SMTNL2: variants seen among roughly 807,000 people sequenced by gnomAD.
SMTNL2 encodes the protein smoothelin like 2.
Under a neutral mutation model 44.1 loss-of-function variants are expected in SMTNL2, and 43 were observed. The observed-to-expected ratio is 0.98, with a 90% CI of 0.76 to 1.26. SMTNL2 has a LOEUF of 1.26. Ranked by LOEUF, SMTNL2 falls within the 50% of genes most tolerant of loss-of-function variation. SMTNL2 has a pLI of 0.00. For synonymous variants in SMTNL2, 317 were observed against 287.6 expected (o/e 1.10, Z -1.03); for missense variants, 646 against 670.2 (o/e 0.96, Z 0.40).
Position 4,607,237 on chromosome 17 carries a change from G to A in SMTNL2, c.1260-124G>A. 1 of 1,465,108 alleles carries A rather than the reference G, an allele frequency of 6.8e-7. No individual in the cohort carries two copies. Among genetic ancestry groups the A allele is most frequent in the Non-Finnish European group, 9.3e-7 (1 of 1,080,112 alleles). 90.8% of individuals were successfully genotyped at this position (1,465,108 alleles called of 1,614,324 possible). A position where few individuals can be genotyped will look rare whatever the true frequency, so the allele number is the denominator to read the frequency against. On this transcript the variant is annotated intron_variant, in intron 7 of 7. Coordinates refer to ENST00000389313, the MANE Select transcript of SMTNL2 (RefSeq NM_001114974.2). The surrounding 1 kb of genome is among the most constrained non-coding windows in gnomAD (Gnocchi z 4.7). Reference sequence around the variant, plus strand: ...GGGTTATCTGAATTCCCCGCTGGTGGGTCCTTGGGAACCTCTGGCTGCCGG... The same window carrying A: ...GGGTTATCTGAATTCCCCGCTGGTGAGTCCTTGGGAACCTCTGGCTGCCGG...
In SMTNL2 at chr17:4,595,075, A is replaced by G. The variant is rs1909748361; in HGVS notation, c.807-70A>G. On this transcript the variant is annotated intron_variant, in intron 4 of 7. Coordinates refer to ENST00000389313, the MANE Select transcript of SMTNL2 (RefSeq NM_001114974.2). This position sits in a 1 kb window ranked among gnomAD's most constrained non-coding sequence, Gnocchi z 5.1. ...GCCTTGTCCACACTCAGTGCAATGG[A>G]GACCTTGGGGCCTGGTGAGCTAGTG... 1 of 1,604,478 alleles carries G rather than the reference A, an allele frequency of 6.2e-7. No homozygotes were observed.
chr17:4,607,532 C>T lies in SMTNL2; in HGVS notation c.*45C>T, dbSNP rs764161178. 15 of 1,596,418 alleles carry T rather than the reference C, an allele frequency of 9.4e-6. No homozygotes were observed. The highest frequency in any genetic ancestry group is 1.7e-4 in the Middle Eastern group (1 of 5,984). On this transcript the variant is annotated 3_prime_UTR_variant, in exon 8 of 8. Coordinates refer to ENST00000389313, the MANE Select transcript of SMTNL2 (RefSeq NM_001114974.2). The surrounding 1 kb of genome is among the most constrained non-coding windows in gnomAD (Gnocchi z 4.7). ...CCAAAGAGCAGCCCCAGGAAGAGGC[C>T]GGGGGTCCGCTTGCGATTCCCCAGC... is the stretch of plus-strand genomic sequence containing the variant.
At position 4,597,337 on chromosome 17, in the gene SMTNL2, C is replaced by T; in HGVS notation, c.1259+14C>T. 1 of 1,612,196 alleles carries T rather than the reference C, an allele frequency of 6.2e-7. No homozygotes were observed. Among genetic ancestry groups the T allele is most frequent in the Non-Finnish European group, 8.5e-7 (1 of 1,178,802 alleles). ...CACCATGGCCGAGTGAGTATGGTGG[C>T]TCCTGCTGGCTACCAGCCCCAGCCC... On this transcript the variant is annotated intron_variant, in intron 7 of 7. Transcript: ENST00000389313.
chr17:4,607,291 C>T lies in SMTNL2; in HGVS notation c.1260-70C>T, dbSNP rs1211072361. On this transcript the variant is annotated intron_variant, in intron 7 of 7. Coordinates refer to ENST00000389313, the MANE Select transcript of SMTNL2 (RefSeq NM_001114974.2). This position sits in a 1 kb window ranked among gnomAD's most constrained non-coding sequence, Gnocchi z 4.7. ...AGCTCTGTTCCCGGGACCGAGACAC[C>T]GGCCCTGTCGCGGCTGTGGGGCTGG... 1.0e-5 allele frequency: 16 copies of T among 1,594,052 alleles called. No individual in the cohort carries two copies. Among genetic ancestry groups the T allele is most frequent in the Non-Finnish European group, 1.4e-5 (16 of 1,169,180 alleles).
rs1434903821 is a variant in SMTNL2 at position 4,598,957 on chromosome 17, G to A, written c.1259+1634G>A. Among the ~76,000 whole-genome samples the A allele has an allele frequency of 6.6e-6, 1 of 152,104 alleles. No homozygotes were observed. The highest frequency in any genetic ancestry group is 1.5e-5 in the Non-Finnish European group (1 of 68,018). ...GGCCCCGGCCCCAGCCCCGGCCCTG[G>A]CCCACCACCCCGGCCCCTGAGCCTG... On this transcript the variant is annotated intron_variant, in intron 7 of 7. Transcript: ENST00000389313. This position sits in a 1 kb window ranked among gnomAD's most constrained non-coding sequence, Gnocchi z 4.8.
chr17:4,606,424 CTTTTT>C (rs75460279), intron 7 of SMTNL2, among the ~76,000 whole-genome samples: 63 of 143,368 alleles, frequency 4.4e-4, no homozygotes, highest in Middle Eastern at 3.6e-3. Flanking sequence ...ATCCAGCCTA[CTTTTT>C]TTTTTTTTAA....
upstream of SMTNL2, chr17:4,584,240 C>T (rs918022949): frequency 1.2e-4 from 22 of 185,274 alleles, no homozygotes; most frequent in South Asian, 1.9e-4. Flanking sequence ...GGGTGAGAGT[C>T]CCGAGCGAAC....
Position 4,607,633 on chromosome 17 carries a change from C to T in SMTNL2, c.*146C>T. 2.3e-6 allele frequency: 3 copies of T among 1,290,252 alleles called. No individual in the cohort carries two copies. The highest frequency in any genetic ancestry group is 2.4e-5 in the East Asian group (1 of 41,374). The allele number at this position is 1,290,252 out of a possible 1,614,324, so 79.9% of individuals were successfully genotyped here. Reference sequence around the variant, plus strand: ...TGTGGCATGTGACGGCACTCCCCTTCGAGCCCAGCTGTGTTACTGATTAAA... The same window carrying T: ...TGTGGCATGTGACGGCACTCCCCTTTGAGCCCAGCTGTGTTACTGATTAAA... On this transcript the variant is annotated 3_prime_UTR_variant, in exon 8 of 8. Transcript: ENST00000389313. This position sits in a 1 kb window ranked among gnomAD's most constrained non-coding sequence, Gnocchi z 4.7.
intron 7 of SMTNL2, among the ~76,000 whole-genome samples, chr17:4,604,312 A>T (rs2150526324): frequency 6.6e-6 from 1 of 152,276 alleles, no homozygotes; most frequent in Admixed American, 6.5e-5. Context: ...AGCCTGTTGG[A>T]TTCACTTACA....
intron 7 of SMTNL2, among the ~76,000 whole-genome samples, chr17:4,599,270 T>C (rs951314366): frequency 1.3e-5 from 2 of 152,216 alleles, no homozygotes; most frequent in African/African-American, 4.8e-5. Flanking sequence ...GTCATCCTAA[T>C]TGCAGAAACA....
chr17:4,591,285 A>G (rs1306440811), intron 1 of SMTNL2, among the ~76,000 whole-genome samples: 2 of 152,196 alleles, frequency 1.3e-5, no homozygotes, highest in Admixed American at 1.3e-4. Context: ...AACCTTGTAG[A>G]CCAGGGGGCA....
intron 3 of SMTNL2, 45 bp downstream of exon 3, chr17:4,593,216 A>T: frequency 1.3e-6 from 2 of 1,532,518 alleles, no homozygotes; most frequent in Non-Finnish European, 1.8e-6. Context: ...TCCCCTTGGG[A>T]TGGGAGAGGG....
intron 7 of SMTNL2, among the ~76,000 whole-genome samples, chr17:4,599,915 C>G (rs1909960077): frequency 6.6e-6 from 1 of 152,314 alleles, no homozygotes; most frequent in East Asian, 1.9e-4. Flanking sequence ...CCCCGCCTCC[C>G]GGTGGCCTGG....
At position 4,595,521 on chromosome 17, in the gene SMTNL2, A is replaced by G. The variant is rs545832572; in HGVS notation, c.989+194A>G. Among the ~76,000 whole-genome samples, 3 of 152,306 alleles carry G rather than the reference A, an allele frequency of 2.0e-5. No individual in the cohort carries two copies. The highest frequency in any genetic ancestry group is 6.5e-5 in the Admixed American group (1 of 15,304). On this transcript the variant is annotated intron_variant, in intron 5 of 7. Coordinates refer to ENST00000389313, the MANE Select transcript of SMTNL2 (RefSeq NM_001114974.2). The surrounding 1 kb of genome is among the most constrained non-coding windows in gnomAD (Gnocchi z 5.1). ...GCAGCTTGGGGGGACAGAGGACCCCAGTTGTTGGGGGAGATGGCTGTGAGG... is the reference window on the plus strand; with the variant it reads ...GCAGCTTGGGGGGACAGAGGACCCCGGTTGTTGGGGGAGATGGCTGTGAGG...
Position 4,607,380 on chromosome 17 carries a change from C to T in SMTNL2, c.1279C>T (p.Arg427Cys), listed in dbSNP as rs758369761. The change falls in exon 8 of 8, where the codon CGC (arginine) becomes TGC (cysteine). Residue 427 changes from arginine (R) to cysteine (C), a missense_variant. Transcript: ENST00000389313. The surrounding 1 kb of genome is among the most constrained non-coding windows in gnomAD (Gnocchi z 4.7). ...TTTCAGGAATCTGGCCAACTGTGAG[C>T]GCCTCATCGAAGTGGAGGACATGAT... ...TMAENLANCE[R>C]LIEVEDMMVM... The T allele has an allele frequency of 6.8e-6, 11 of 1,613,980 alleles. No homozygotes were observed. The highest frequency in any genetic ancestry group is 3.3e-5 in the Admixed American group (2 of 60,006).
At position 4,600,980 on chromosome 17, in the gene SMTNL2, A is replaced by G. The variant is rs2150524906; in HGVS notation, c.1259+3657A>G. ...CTTAAAAAAATAAAAATAACCCCCA[A>G]GCCCATCCTCCAGCTCCCTTACAGG... is the stretch of plus-strand genomic sequence containing the variant. On this transcript the variant is annotated intron_variant, in intron 7 of 7. Transcript: ENST00000389313. This position sits in a 1 kb window ranked among gnomAD's most constrained non-coding sequence, Gnocchi z 4.7. 6.6e-6 allele frequency among the ~76,000 whole-genome samples: 1 copy of G among 152,300 alleles called. No individual in the cohort carries two copies. The highest frequency in any genetic ancestry group is 1.5e-5 in the Non-Finnish European group (1 of 68,014).
intron 1 of SMTNL2, among the ~76,000 whole-genome samples, chr17:4,587,328 A>G (rs920922961): frequency 1.3e-5 from 2 of 152,208 alleles, no homozygotes; most frequent in African/African-American, 4.8e-5. Flanking sequence ...TGACCCCCGA[A>G]GCACCAATCC....
intron 7 of SMTNL2, among the ~76,000 whole-genome samples, chr17:4,601,365 A>T (rs1597417053): frequency 6.6e-6 from 1 of 152,006 alleles, no homozygotes; most frequent in South Asian, 2.1e-4. Context: ...CAGTGAACCC[A>T]GATGGTGCCA....
chr17:4,595,393 T>A lies in SMTNL2; in HGVS notation c.989+66T>A. 1.3e-6 allele frequency: 2 copies of A among 1,564,586 alleles called. No individual in the cohort carries two copies. Among genetic ancestry groups the A allele is most frequent in the Non-Finnish European group, 1.7e-6 (2 of 1,152,802 alleles). ...TGCCCAGACCCAGACGGGGCTTGGG[T>A]GGGTGCAGCAGGGCAAGGTTCAGCC... On this transcript the variant is annotated intron_variant, in intron 5 of 7. Coordinates refer to ENST00000389313, the MANE Select transcript of SMTNL2 (RefSeq NM_001114974.2). This position sits in a 1 kb window ranked among gnomAD's most constrained non-coding sequence, Gnocchi z 5.1.
Sources: allele counts gnomAD v4.1 joint callset (sites outside exome capture counted in the v4.1 genomes callset), GRCh38; gene constraint gnomAD v4.1.1; non-coding constraint Gnocchi (gnomAD v3.1); transcripts MANE v1.5; gene names NCBI Gene and HGNC (gene_info 2026-07-23, HGNC 2026-07-21).